CCDC82: variants seen among roughly 807,000 people sequenced by gnomAD.
CCDC82 encodes the protein coiled-coil domain-containing protein 82.
In CCDC82, 47 loss-of-function variants were observed where a neutral mutation model predicts 60.6. The ratio of observed to expected loss-of-function variants is 0.77; its 90% CI spans 0.61 to 0.99. The LOEUF is 0.99. Among genes scored for constraint, CCDC82 ranks in the 50% least tolerant of loss-of-function variants. The probability of loss-of-function intolerance (pLI) is 0.00; values close to 1 mark genes in which losing one functional copy is unlikely to be tolerated. For synonymous variants in CCDC82, 212 were observed against 207.4 expected (o/e 1.02, Z -0.19); for missense variants, 588 against 633.0 (o/e 0.93, Z 0.76).
intron 9 of CCDC82, chr11:96,355,141 T>C (rs1305544750): frequency 6.6e-6 from 1 of 152,226 alleles, no homozygotes; most frequent in Non-Finnish European, 1.5e-5. Context: ...ACCTATACTT[T>C]AAAAGTTTGA....
Position 96,371,033 on chromosome 11 carries a change from G to A in CCDC82, c.1189C>T (p.Arg397Cys), listed in dbSNP as rs758564028. Reference sequence around the variant, plus strand: ...TGTACCTTATATTGCTCTTTCCAACGACTTCTAGATACCAAGCTCTCTAGA... The same window carrying A: ...TGTACCTTATATTGCTCTTTCCAACAACTTCTAGATACCAAGCTCTCTAGA... The part of the protein sequence containing the change: ...PRLESLVSRS[R>C]WKEQYKERVE... The change falls in exon 7 of 10, where the codon CGT becomes TGT. Residue 397 changes from arginine to cysteine, a missense_variant. Arg to Cys is a radical substitution (Grantham distance 180). Coordinates refer to ENST00000646818, the MANE Select transcript of CCDC82 (RefSeq NM_024725.4). 12 of 1,594,160 alleles carry A rather than the reference G, an allele frequency of 7.5e-6. No homozygotes were observed. Among genetic ancestry groups the A allele is most frequent in the Non-Finnish European group, 1.0e-5 (12 of 1,171,720 alleles).
At chr11:96,355,064 G>C (rs1442471007) in intron 9 of CCDC82, 1 of 152,100 alleles carries the variant, frequency 6.6e-6, no homozygotes, top group Non-Finnish European at 1.5e-5. Context: ...GACTACTTAG[G>C]AATTTTCTTT....
In CCDC82 at chr11:96,359,112, A is replaced by T. The variant is rs1864497392; in HGVS notation, c.1447T>A (p.Phe483Ile). ...GTGCAACATTCCTGGTATAGTTTGAATTTAAAATGTTTCAGTTTATGATAA... is the reference window on the plus strand; with the variant it reads ...GTGCAACATTCCTGGTATAGTTTGATTTTAAAATGTTTCAGTTTATGATAA... ...RIYHKLKHFK[F>I]KLYQECCTIA... The change falls in exon 9 of 10, where the codon TTC (phenylalanine) becomes ATC (isoleucine). Residue 483 changes from phenylalanine (F) to isoleucine (I), a missense_variant. Phe to Ile is a conservative substitution (Grantham distance 21). Coordinates refer to ENST00000646818, the MANE Select transcript of CCDC82 (RefSeq NM_024725.4). 6.2e-7 allele frequency: 1 copy of T among 1,603,684 alleles called. No individual in the cohort carries two copies. Among genetic ancestry groups the T allele is most frequent in the Non-Finnish European group, 8.5e-7 (1 of 1,177,470 alleles).
intron 5 of CCDC82, among the ~76,000 whole-genome samples, chr11:96,377,552 G>A (rs150709374): frequency 1.3e-5 from 2 of 152,182 alleles, no homozygotes; most frequent in East Asian, 1.9e-4. Context: ...TGTAAAGGAC[G>A]TATGTTCCTA....
At chr11:96,386,000 A>C (rs987075912) in intron 3 of CCDC82, 1 of 152,132 alleles carries the variant, frequency 6.6e-6, no homozygotes, top group Non-Finnish European at 1.5e-5. Flanking sequence ...GTCTTTCTAT[A>C]AACCACACAC....
intron 8 of CCDC82, chr11:96,363,912 C>T (rs932656420): frequency 8.5e-5 from 13 of 152,110 alleles, no homozygotes; most frequent in Non-Finnish European, 1.8e-4. Flanking sequence ...TCTTACGTGA[C>T]TGGCAATATT....
chr11:96,384,774 G>A lies in CCDC82; in HGVS notation c.-14-13C>T. ...TTCACTTAAGCTTCTATAAAATAAAGTTGTTAGGAATATAACAGTGATAAC... is the reference window on the plus strand; with the variant it reads ...TTCACTTAAGCTTCTATAAAATAAAATTGTTAGGAATATAACAGTGATAAC... On this transcript the variant is annotated splice_polypyrimidine_tract_variant and intron_variant, in intron 3 of 9. Coordinates refer to ENST00000646818, the MANE Select transcript of CCDC82 (RefSeq NM_024725.4). The A allele has an allele frequency of 2.6e-6, 4 of 1,518,216 alleles. No homozygotes were observed. Among genetic ancestry groups the A allele is most frequent in the Non-Finnish European group, 3.6e-6 (4 of 1,126,558 alleles). The allele number at this position is 1,518,216 out of a possible 1,614,324, so 94.0% of individuals were successfully genotyped here. A position where few individuals can be genotyped will look rare whatever the true frequency, so the allele number is the denominator to read the frequency against.
intron 6 of CCDC82, among the ~76,000 whole-genome samples, chr11:96,373,125 T>C (rs535200161): frequency 8.5e-5 from 13 of 152,296 alleles, no homozygotes; most frequent in African/African-American, 2.9e-4. Flanking sequence ...TCCTGTCAAA[T>C]TCACTGTTAA....
At chr11:96,383,641 G>T (rs1039293985) in intron 4 of CCDC82, among the ~76,000 whole-genome samples, 168 bp from the exon 5 acceptor site, 4 of 151,782 alleles carry the variant, frequency 2.6e-5, no homozygotes, top group African/African-American at 9.7e-5. Context: ...CTGAACTTTT[G>T]AAATTATTAA....
intron 5 of CCDC82, among the ~76,000 whole-genome samples, chr11:96,373,947 C>T (rs773278663): frequency 2.0e-5 from 3 of 152,096 alleles, no homozygotes; most frequent in Non-Finnish European, 2.9e-5. Context: ...TCATGCTGCC[C>T]CAGATTTAGG....
intron 9 of CCDC82, chr11:96,357,775 G>A: frequency 1.0e-6 from 1 of 985,390 alleles, no homozygotes; most frequent in Non-Finnish European, 1.2e-6. Flanking sequence ...TGTTGTCTAG[G>A]AAAATGAAGA....
intron 8 of CCDC82, chr11:96,359,396 A>G: frequency 2.4e-6 from 1 of 420,022 alleles, no homozygotes; most frequent in Non-Finnish European, 4.2e-6. Context: ...TAAAATACCT[A>G]TTACCGGTAT....
chr11:96,388,921 G>A (rs554337083), intron 1 of CCDC82: 1 of 152,274 alleles, frequency 6.6e-6, no homozygotes, highest in African/African-American at 2.4e-5. Context: ...TAGGAACTGT[G>A]CTGCCACCAT....
intron 5 of CCDC82, chr11:96,381,053 T>C (rs369851917): frequency 1.5e-4 from 23 of 151,658 alleles, no homozygotes; most frequent in African/African-American, 5.3e-4. Context: ...TGAGGAAGTA[T>C]ATTTGAACTC....
At chr11:96,356,545 T>C in intron 9 of CCDC82, 1 of 985,348 alleles carries the variant, frequency 1.0e-6, no homozygotes, top group Non-Finnish European at 1.2e-6. Context: ...CCCATCATCA[T>C]ATACACTTTC....
chr11:96,372,391 T>G (rs1370263212), intron 6 of CCDC82, among the ~76,000 whole-genome samples: 1 of 151,964 alleles, frequency 6.6e-6, no homozygotes, highest in Non-Finnish European at 1.5e-5. Context: ...TACTCATTTA[T>G]TGTCTGTCTC....
chr11:96,360,538 A>C (rs3017015), intron 8 of CCDC82, among the ~76,000 whole-genome samples: 4 of 152,094 alleles, frequency 2.6e-5, no homozygotes, highest in Admixed American at 2.6e-4. Context: ...TAGAAAATGC[A>C]TCAGAAAGGG....
At chr11:96,358,117 T>C (rs1446684028) in intron 9 of CCDC82, 1 of 985,634 alleles carries the variant, frequency 1.0e-6, no homozygotes, top group African/African-American at 1.7e-5. Context: ...TTTTTTATAT[T>C]CCTCTTTTAC....
intron 8 of CCDC82, among the ~76,000 whole-genome samples, chr11:96,362,223 G>A (rs773449108): frequency 2.8e-4 from 42 of 152,316 alleles, no homozygotes; most frequent in African/African-American, 1.0e-3. Flanking sequence ...TTAGCTAACT[G>A]TAGGTAGCTT....
Sources: allele counts gnomAD v4.1 joint callset (sites outside exome capture counted in the v4.1 genomes callset), GRCh38; gene constraint gnomAD v4.1.1; transcripts MANE v1.5; gene names NCBI Gene and HGNC (gene_info 2026-07-23, HGNC 2026-07-21).